The following ZRANB3 variants were observed in gnomAD, a reference collection of about 807,000 sequenced individuals.
ZRANB3 encodes zinc finger RANBP2-type containing 3.
Under a neutral mutation model 133.8 loss-of-function variants are expected in ZRANB3, and 125 were observed. The observed-to-expected ratio is 0.93, with a 90% CI of 0.81 to 1.08. The LOEUF (loss-of-function observed/expected upper bound fraction) is 1.08, where lower values mean the gene tolerates loss of function less well. Among genes scored for constraint, ZRANB3 ranks in the 50% least tolerant of loss-of-function variants. The pLI is 0.00. For missense variants in ZRANB3, 1,229 were observed against 1,275.5 expected (o/e 0.96, Z 0.56); for synonymous variants, 387 against 432.7 (o/e 0.89, Z 1.31).
chr2:135,526,626 A>T (rs1694174430), intron 1 of ZRANB3, among the ~76,000 whole-genome samples: 1 of 152,122 alleles, frequency 6.6e-6, no homozygotes, highest in South Asian at 2.1e-4. Context: ...GAAATATTTA[A>T]CCCCAAAATA....
intron 2 of ZRANB3, among the ~76,000 whole-genome samples, chr2:135,407,657 G>A (rs1688103608): frequency 6.6e-6 from 1 of 151,828 alleles, no homozygotes; most frequent in Non-Finnish European, 1.5e-5. Context: ...AGAGACCTCA[G>A]AAATAATGCC....
intron 1 of ZRANB3, among the ~76,000 whole-genome samples, chr2:135,515,838 T>C (rs951078104): frequency 6.6e-6 from 1 of 152,170 alleles, no homozygotes; most frequent in Non-Finnish European, 1.5e-5. Flanking sequence ...AATATCCTTG[T>C]TAATTTTGTC....
At chr2:135,319,197 C>G (rs984942373) in intron 6 of ZRANB3, among the ~76,000 whole-genome samples, 1 of 151,656 alleles carries the variant, frequency 6.6e-6, no homozygotes, top group Non-Finnish European at 1.5e-5. Context: ...AAGTGAAGTA[C>G]AAATATGAGT....
chr2:135,515,047 A>C (rs1289059557), intron 1 of ZRANB3, among the ~76,000 whole-genome samples: 2 of 152,102 alleles, frequency 1.3e-5, no homozygotes, highest in African/African-American at 2.4e-5. Context: ...CCAGTATTTT[A>C]TTGAGTATTT....
At position 135,488,285 on chromosome 2, in the gene ZRANB3, G is replaced by A. The variant is rs182768968; in HGVS notation, c.161+16044C>T. On this transcript the variant is annotated intron_variant, in intron 2 of 20. Transcript: ENST00000264159. ...ATCACTAATTACTGATCACCATAAC[G>A]GATAATGAAATAGTTTGAAATATTG... is the stretch of plus-strand genomic sequence containing the variant. Among the ~76,000 whole-genome samples the A allele has an allele frequency of 1.2e-3, 176 of 151,918 alleles. 2 individuals are homozygous for A. The highest frequency in any genetic ancestry group is 4.2e-3 in the African/African-American group (173 of 41,440).
intron 2 of ZRANB3, among the ~76,000 whole-genome samples, chr2:135,459,599 C>T (rs185824628): frequency 6.6e-6 from 1 of 151,992 alleles, no homozygotes; most frequent in East Asian, 1.9e-4. Flanking sequence ...TCTCTATCTG[C>T]TTTTTAAAAT....
intron 18 of ZRANB3, 133 bp downstream of exon 18, chr2:135,208,735 C>T: frequency 1.5e-6 from 1 of 680,250 alleles, no homozygotes; most frequent in Non-Finnish European, 2.5e-6. Flanking sequence ...AACTGAAGAG[C>T]TACTATCTTG....
intron 2 of ZRANB3, among the ~76,000 whole-genome samples, chr2:135,392,464 T>C (rs1276732262): frequency 6.6e-6 from 1 of 151,480 alleles, no homozygotes; most frequent in Non-Finnish European, 1.5e-5. Context: ...AAAATACAAA[T>C]CATGGCCGGG....
In ZRANB3 at chr2:135,399,010, T is replaced by C. The variant is rs1263339356; in HGVS notation, c.162-8190A>G. Among the ~76,000 whole-genome samples, 4 of 152,344 alleles carry C rather than the reference T, an allele frequency of 2.6e-5. No homozygotes were observed. The East Asian group carries it at 7.7e-4, about 29-fold the overall frequency. On this transcript the variant is annotated intron_variant, in intron 2 of 20. Transcript: ENST00000264159. ...TTGGTTGGCTGTTTCACATCCATAG[T>C]GTGACTGTGATGATAGTGTGATTTG...
At chr2:135,203,095 A>G in intron 19 of ZRANB3, 132 bp from the exon 20 acceptor site, 1 of 1,078,616 alleles carries the variant, frequency 9.3e-7, no homozygotes, top group South Asian at 1.6e-5. Context: ...AGCTTTTTAT[A>G]GCTTTTATTG....
At position 135,329,951 on chromosome 2, in the gene ZRANB3, T is replaced by G. The variant is rs539994739; in HGVS notation, c.678-14421A>C. Among the ~76,000 whole-genome samples, 15 of 152,332 alleles carry G rather than the reference T, an allele frequency of 9.8e-5. No individual in the cohort carries two copies. The South Asian group carries it at 2.1e-3, about 21-fold the overall frequency. On this transcript the variant is annotated intron_variant, in intron 6 of 20. Transcript: ENST00000264159. ...GTTGCTTATCAGCTTAAGGAGATTT[T>G]GGGCTGAGACAGTGGGGTTTTCTAA... is the stretch of plus-strand genomic sequence containing the variant.
intron 2 of ZRANB3, among the ~76,000 whole-genome samples, chr2:135,475,990 A>T (rs919007567): frequency 5.3e-5 from 8 of 152,220 alleles, no homozygotes; most frequent in Non-Finnish European, 8.8e-5. Flanking sequence ...AGGCAAGAGA[A>T]TCGTTTGAAC....
intron 8 of ZRANB3, among the ~76,000 whole-genome samples, chr2:135,295,132 G>GATATCCTT (rs1681985739): frequency 6.7e-6 from 1 of 149,834 alleles, no homozygotes; most frequent in Non-Finnish European, 1.5e-5. Context: ...GCAGAGCTGG[G>GATATCCTT]GTTAACTTTC....
At position 135,435,172 on chromosome 2, in the gene ZRANB3, C is replaced by T. The variant is rs560044049; in HGVS notation, c.162-44352G>A. 5.9e-5 allele frequency among the ~76,000 whole-genome samples: 9 copies of T among 151,984 alleles called. No homozygotes were observed. The South Asian group carries it at 6.2e-4, about 11-fold the overall frequency. On this transcript the variant is annotated intron_variant, in intron 2 of 20. Transcript: ENST00000264159. ...TCCCCCTTCGAGTAGACCCCAGTGTCGATTGTTTCCCCTTCTTTGTGTTTA... is the reference window on the plus strand; with the variant it reads ...TCCCCCTTCGAGTAGACCCCAGTGTTGATTGTTTCCCCTTCTTTGTGTTTA...
chr2:135,231,606 C>T (rs1011666490), intron 12 of ZRANB3, among the ~76,000 whole-genome samples: 93 of 151,778 alleles, frequency 6.1e-4, no homozygotes, highest in African/African-American at 2.1e-3. Flanking sequence ...CAAAAAAACA[C>T]AAAAAAACAA....
At chr2:135,291,281 C>G (rs1205908662) in intron 8 of ZRANB3, among the ~76,000 whole-genome samples, 7 of 152,210 alleles carry the variant, frequency 4.6e-5, no homozygotes, top group Non-Finnish European at 8.8e-5. Flanking sequence ...CTTCTAGATT[C>G]AAGCGATTCT....
chr2:135,528,398 T>C (rs1296540782), intron 1 of ZRANB3, among the ~76,000 whole-genome samples: 1 of 152,200 alleles, frequency 6.6e-6, no homozygotes, highest in African/African-American at 2.4e-5. Context: ...TTCTCTTGCC[T>C]TGACATCTTA....
chr2:135,405,498 C>T (rs1687970049), intron 2 of ZRANB3, among the ~76,000 whole-genome samples: 1 of 152,146 alleles, frequency 6.6e-6, no homozygotes, highest in Non-Finnish European at 1.5e-5. Context: ...ACTCTCCATC[C>T]CAAATGAACA....
At chr2:135,468,625 A>C (rs2105024611) in intron 2 of ZRANB3, among the ~76,000 whole-genome samples, 1 of 152,362 alleles carries the variant, frequency 6.6e-6, no homozygotes, top group South Asian at 2.1e-4. Context: ...TTGAACTGCC[A>C]CCAGAAAGCA....
Sources: gnomAD v4.1 joint callset for allele counts (sites outside exome capture counted in the v4.1 genomes callset) on GRCh38, gnomAD v4.1.1 for gene constraint, MANE v1.5 for transcripts, NCBI Gene and HGNC (gene_info 2026-07-23, HGNC 2026-07-21) for gene names.